Variants in KLHL2 observed in about 807,000 individuals in gnomAD.
KLHL2 encodes the protein kelch like family member 2, also known as kelch-like protein 2.
A neutral mutation model predicts 75.8 loss-of-function variants in KLHL2; 15 were observed. That is an observed-to-expected ratio of 0.20 (90% confidence interval 0.13 to 0.30). KLHL2 has a LOEUF of 0.30. KLHL2 is among the 10% of genes least tolerant of loss of function. KLHL2 has a pLI of 1.00. For synonymous variants in KLHL2, 214 were observed against 251.9 expected, an observed-to-expected ratio of 0.85 and a Z score of 1.42; for missense variants, 381 against 741.0, an observed-to-expected ratio of 0.51 and a Z score of 5.64.
chr4:165,298,116 A>G (rs1579151321), intron 7 of KLHL2, among the ~76,000 whole-genome samples: 1 of 152,286 alleles, frequency 6.6e-6, no homozygotes, highest in East Asian at 1.9e-4. Flanking sequence ...GTGAGGCACC[A>G]CACCCAGCCA....
chr4:165,307,574 T>C (rs937061520), intron 9 of KLHL2, among the ~76,000 whole-genome samples: 5 of 152,224 alleles, frequency 3.3e-5, no homozygotes, highest in Non-Finnish European at 5.9e-5. Flanking sequence ...TATCTTCTTA[T>C]CTGAGATAGT....
chr4:165,225,650 T>C (rs1319153300), intron 2 of KLHL2, among the ~76,000 whole-genome samples: 1 of 152,178 alleles, frequency 6.6e-6, no homozygotes. Context: ...TTCAGCTTCT[T>C]GTAAGCATGC....
At chr4:165,273,781 A>G (rs1742869665) in intron 5 of KLHL2, among the ~76,000 whole-genome samples, 1 of 152,252 alleles carries the variant, frequency 6.6e-6, no homozygotes, top group Admixed American at 6.5e-5. Flanking sequence ...AGCAGCATGA[A>G]AACAGACTAA....
At chr4:165,299,438 C>T in intron 7 of KLHL2, 69 bp from the exon 8 acceptor site, 2 of 1,410,766 alleles carry the variant, frequency 1.4e-6, no homozygotes, top group Non-Finnish European at 9.5e-7. Flanking sequence ...TCCTTTACTT[C>T]TTTTTCTTTG....
chr4:165,284,108 T>C (rs1029148797), intron 5 of KLHL2, among the ~76,000 whole-genome samples: 5 of 152,192 alleles, frequency 3.3e-5, no homozygotes, highest in Non-Finnish European at 5.9e-5. Context: ...GGGCCTGTGA[T>C]GGAAGGGGCT....
chr4:165,303,929 G>T (rs1181070803), intron 8 of KLHL2, among the ~76,000 whole-genome samples: 1 of 151,930 alleles, frequency 6.6e-6, no homozygotes, highest in Non-Finnish European at 1.5e-5. Flanking sequence ...AGGCTGAAGT[G>T]TAATGGTGCA....
chr4:165,251,186 A>C (rs550271846), intron 4 of KLHL2, among the ~76,000 whole-genome samples: 66 of 151,904 alleles, frequency 4.3e-4, no homozygotes, highest in African/African-American at 1.5e-3. Flanking sequence ...GTGGTTGTTT[A>C]TGATATAACC....
intron 4 of KLHL2, among the ~76,000 whole-genome samples, chr4:165,260,523 A>G (rs1041228599): frequency 3.9e-5 from 6 of 152,176 alleles, no homozygotes; most frequent in East Asian, 1.9e-4. Flanking sequence ...GTTGAAATCA[A>G]TAAAGCAAAA....
At chr4:165,266,925 C>G (rs1037088085) in intron 5 of KLHL2, among the ~76,000 whole-genome samples, 105 of 152,140 alleles carry the variant, frequency 6.9e-4, no homozygotes, top group African/African-American at 2.5e-3. Flanking sequence ...TGGCCATTTT[C>G]AAGATATTGA....
chr4:165,278,713 G>C, intron 5 of KLHL2: 1 of 1,602,326 alleles, frequency 6.2e-7, no homozygotes, highest in Non-Finnish European at 8.6e-7. Flanking sequence ...ATACCGGTTT[G>C]TCTCTGCCAA....
intron 4 of KLHL2, among the ~76,000 whole-genome samples, chr4:165,250,123 CAA>C (rs55913995): frequency 2.2e-5 from 3 of 134,602 alleles, no homozygotes; most frequent in Non-Finnish European, 3.2e-5. Flanking sequence ...GACTCCGTCT[CAA>C]AAAAAAAAAA....
chr4:165,291,515 T>G (rs1024022262), intron 5 of KLHL2, among the ~76,000 whole-genome samples: 1 of 152,182 alleles, frequency 6.6e-6, no homozygotes, highest in Non-Finnish European at 1.5e-5. Flanking sequence ...AGAAGTGGAG[T>G]CTGTGTCTAG....
At chr4:165,280,264 CTAACTT>C (rs753659072) in intron 5 of KLHL2, among the ~76,000 whole-genome samples, 12 of 152,220 alleles carry the variant, frequency 7.9e-5, no homozygotes, top group Non-Finnish European at 1.3e-4. Flanking sequence ...TGCTTATAAT[CTAACTT>C]TATAGTCCAG....
intron 4 of KLHL2, among the ~76,000 whole-genome samples, chr4:165,253,894 G>T (rs1211721665): frequency 6.6e-6 from 1 of 152,218 alleles, no homozygotes; most frequent in African/African-American, 2.4e-5. Flanking sequence ...CATTGTAAGG[G>T]TTTATTACAG....
At chr4:165,278,549 C>T (rs188554036) in intron 5 of KLHL2, 23,985 of 1,611,254 alleles carry the variant, frequency 0.015, 221 homozygotes, top group Non-Finnish European at 0.018. Context: ...TGCATATAAC[C>T]CCGAAAATGC....
chr4:165,285,251 T>C (rs1472509860), intron 5 of KLHL2, among the ~76,000 whole-genome samples: 9 of 152,192 alleles, frequency 5.9e-5, no homozygotes, highest in Non-Finnish European at 1.2e-4. Flanking sequence ...TTAAATCTTA[T>C]GATTTTTATG....
chr4:165,285,308 A>AG (rs1744006860), intron 5 of KLHL2, among the ~76,000 whole-genome samples: 1 of 152,236 alleles, frequency 6.6e-6, no homozygotes, highest in Admixed American at 6.5e-5. Context: ...AATTCACATT[A>AG]GGGGTTAAAA....
intron 5 of KLHL2, among the ~76,000 whole-genome samples, chr4:165,264,544 A>T (rs1741989097): frequency 6.7e-6 from 1 of 149,414 alleles, no homozygotes; most frequent in African/African-American, 2.5e-5. Flanking sequence ...GCTGCAAAAG[A>T]CATTATTTCT....
chr4:165,290,996 G>C lies in KLHL2; in HGVS notation c.545-3363G>C, dbSNP rs531543137. 5.3e-5 allele frequency among the ~76,000 whole-genome samples: 8 copies of C among 152,316 alleles called. No individual in the cohort carries two copies. In the South Asian group the frequency reaches 1.7e-3, roughly 32 times the overall value. ...CCACATCCTTGTCAGAATTGGTGTTGTCAGTGTTTTGGATTTTAGCTATTC... is the reference window on the plus strand; with the variant it reads ...CCACATCCTTGTCAGAATTGGTGTTCTCAGTGTTTTGGATTTTAGCTATTC... On this transcript the variant is annotated intron_variant, in intron 5 of 14. Coordinates refer to ENST00000226725, the MANE Select transcript of KLHL2 (RefSeq NM_007246.4).
Sources: gnomAD v4.1 joint callset for allele counts (sites outside exome capture counted in the v4.1 genomes callset) on GRCh38, gnomAD v4.1.1 for gene constraint, MANE v1.5 for transcripts, NCBI Gene and HGNC (gene_info 2026-07-23, HGNC 2026-07-21) for gene names.